The following LHFPL6 variants were observed in gnomAD, a reference collection of about 807,000 sequenced individuals.
LHFPL6 encodes LHFPL tetraspan subfamily member 6.
In LHFPL6, 9 loss-of-function variants were observed where a neutral mutation model predicts 20.6. That is an observed-to-expected ratio of 0.44 (90% CI 0.26 to 0.76). The LOEUF (loss-of-function observed/expected upper bound fraction) is 0.76, where lower values mean the gene tolerates loss of function less well. Ranked by LOEUF, LHFPL6 falls within the 30% of genes least tolerant of loss-of-function variation. LHFPL6 has a pLI of 0.20. For missense variants in LHFPL6, 218 were observed against 253.5 expected (o/e 0.86, Z 0.95); for synonymous variants, 105 against 98.7 (o/e 1.06, Z -0.38).
rs1174774933 is a variant in LHFPL6 at position 39,413,473 on chromosome 13, G to GT, written c.386-34948dup. On this transcript the variant is annotated intron_variant, in intron 2 of 3. Transcript: ENST00000379589. ...TTTTTAGGAATTGGGGGTAGGGGGG[G>GT]TGGGTCTCACTATGTTGCCCAGGCT... Among the ~76,000 whole-genome samples, 104 of 131,234 alleles carry GT rather than the reference G, an allele frequency of 7.9e-4. 2 individuals carry two copies. The highest frequency in any genetic ancestry group is 2.5e-3 in the African/African-American group (89 of 35,854). 86.1% of individuals were successfully genotyped at this position (131,234 alleles called of 152,430 possible).
Position 39,601,148 on chromosome 13 carries a change from G to T in LHFPL6, c.69C>A (p.Ser23=). The T allele has an allele frequency of 6.2e-7, 1 of 1,614,134 alleles. No homozygotes were observed. Among genetic ancestry groups the T allele is most frequent in the South Asian group, 1.1e-5 (1 of 91,082 alleles). The part of the protein sequence containing the change: ...ALLSFLCAAT[S]CVGFFMPYWL... ...AGTAAGGCATAAAGAACCCCACGCA[G>T]GAGGTGGCAGCACAAAGAAAAGACA... The change falls in exon 2 of 4, where the codon TCC becomes TCA. Residue 23 remains serine (S), a synonymous_variant. Coordinates refer to ENST00000379589, the MANE Select transcript of LHFPL6 (RefSeq NM_005780.3).
At chr13:39,347,527 A>T (rs779576657) in intron 3 of LHFPL6, among the ~76,000 whole-genome samples, 11 of 152,240 alleles carry the variant, frequency 7.2e-5, no homozygotes, top group Non-Finnish European at 1.5e-4. Context: ...TCATCTAGAG[A>T]GTGTGCTAAA....
intron 2 of LHFPL6, among the ~76,000 whole-genome samples, chr13:39,453,836 G>C (rs1872508110): frequency 6.6e-6 from 1 of 152,206 alleles, no homozygotes; most frequent in Non-Finnish European, 1.5e-5. Context: ...AGCAAGTCGT[G>C]TGTGATATGG....
At chr13:39,369,666 T>C (rs9315678) in intron 3 of LHFPL6, among the ~76,000 whole-genome samples, 82,153 of 146,932 alleles carry the variant, frequency 0.56, 23,532 homozygotes, top group East Asian at 0.71. Flanking sequence ...TTTTTAACCA[T>C]TCAATAGATG....
chr13:39,436,914 C>G (rs76699680), intron 2 of LHFPL6, among the ~76,000 whole-genome samples: 84 of 152,262 alleles, frequency 5.5e-4, no homozygotes, highest in African/African-American at 2.0e-3. Flanking sequence ...ACCACTTGAT[C>G]GCACAGTAGT....
intron 2 of LHFPL6, among the ~76,000 whole-genome samples, chr13:39,535,789 A>AT (rs1466176001): frequency 6.6e-6 from 1 of 152,216 alleles, no homozygotes; most frequent in African/African-American, 2.4e-5. Flanking sequence ...TTCTGCTGTG[A>AT]TTTTACCTCT....
intron 2 of LHFPL6, among the ~76,000 whole-genome samples, chr13:39,570,058 T>G (rs1445765090): frequency 6.6e-6 from 1 of 152,202 alleles, no homozygotes; most frequent in Non-Finnish European, 1.5e-5. Context: ...AACAATGGCC[T>G]GAGGAAAAGT....
chr13:39,509,820 C>G (rs1208005026), intron 2 of LHFPL6, among the ~76,000 whole-genome samples: 1 of 152,038 alleles, frequency 6.6e-6, no homozygotes, highest in East Asian at 1.9e-4. Flanking sequence ...ATTAGCCAGG[C>G]AGGGTGGCAT....
intron 2 of LHFPL6, among the ~76,000 whole-genome samples, chr13:39,381,120 C>T (rs1566098290): frequency 6.6e-6 from 1 of 152,122 alleles, no homozygotes; most frequent in African/African-American, 2.4e-5. Flanking sequence ...GAAACTGGTC[C>T]GTGGTGTAAA....
chr13:39,460,154 G>A (rs1263877765), intron 2 of LHFPL6, among the ~76,000 whole-genome samples: 1 of 152,156 alleles, frequency 6.6e-6, no homozygotes, highest in Admixed American at 6.5e-5. Context: ...CAACCAAAAA[G>A]CTCACACCAT....
intron 2 of LHFPL6, among the ~76,000 whole-genome samples, chr13:39,490,070 A>G (rs1210781560): frequency 1.4e-5 from 2 of 146,556 alleles, no homozygotes; most frequent in African/African-American, 5.1e-5. Context: ...GGAGACAACA[A>G]GTAATAACAG....
intron 3 of LHFPL6, among the ~76,000 whole-genome samples, chr13:39,344,650 C>A (rs1869341294): frequency 3.3e-5 from 5 of 152,116 alleles, no homozygotes; most frequent in African/African-American, 1.2e-4. Flanking sequence ...GACAAGCATC[C>A]AAGTGGGTCC....
At chr13:39,500,402 T>C (rs931514862) in intron 2 of LHFPL6, among the ~76,000 whole-genome samples, 1 of 152,060 alleles carries the variant, frequency 6.6e-6, no homozygotes, top group Non-Finnish European at 1.5e-5. Flanking sequence ...TATAGGTGCA[T>C]GCCACCATGC....
At chr13:39,601,998 A>G (rs1056712005) in intron 1 of LHFPL6, among the ~76,000 whole-genome samples, 1 of 152,190 alleles carries the variant, frequency 6.6e-6, no homozygotes, top group African/African-American at 2.4e-5. Context: ...TAGTCTTAAC[A>G]TCTTCTAGTG....
intron 2 of LHFPL6, among the ~76,000 whole-genome samples, chr13:39,465,195 C>T (rs771989493): frequency 3.3e-5 from 5 of 152,152 alleles, no homozygotes; most frequent in Non-Finnish European, 7.4e-5. Context: ...TGCCCACCAG[C>T]TTATCGATTG....
intron 2 of LHFPL6, among the ~76,000 whole-genome samples, chr13:39,498,258 T>A (rs1199907863): frequency 6.6e-6 from 1 of 152,230 alleles, no homozygotes; most frequent in African/African-American, 2.4e-5. Context: ...ACTTACCCCA[T>A]GCCCAACTCA....
intron 2 of LHFPL6, among the ~76,000 whole-genome samples, chr13:39,500,903 G>A (rs1323225025): frequency 1.3e-5 from 2 of 152,178 alleles, no homozygotes; most frequent in African/African-American, 2.4e-5. Flanking sequence ...GAGTGAGCAT[G>A]AGAATCACCT....
chr13:39,449,295 G>C (rs2138419926), intron 2 of LHFPL6, among the ~76,000 whole-genome samples: 1 of 152,268 alleles, frequency 6.6e-6, no homozygotes, highest in East Asian at 1.9e-4. Context: ...ATTAACACCT[G>C]ATTCTAAATC....
In LHFPL6 at chr13:39,530,180, G is replaced by C. The variant is rs558703037; in HGVS notation, c.385+70652C>G. On this transcript the variant is annotated intron_variant, in intron 2 of 3. Coordinates refer to ENST00000379589, the MANE Select transcript of LHFPL6 (RefSeq NM_005780.3). ...ACCTGTAATTCCAGCTACTCAGGAGGCTTAAAAAAGAGGATCCCTTGAGCC... is the reference window on the plus strand; with the variant it reads ...ACCTGTAATTCCAGCTACTCAGGAGCCTTAAAAAAGAGGATCCCTTGAGCC... 1.5e-4 allele frequency among the ~76,000 whole-genome samples: 22 copies of C among 151,376 alleles called. No homozygotes were observed. The East Asian group carries it at 4.1e-3, about 28-fold the overall frequency.
Sources: gnomAD v4.1 joint callset for allele counts (sites outside exome capture counted in the v4.1 genomes callset) on GRCh38, gnomAD v4.1.1 for gene constraint, MANE v1.5 for transcripts, NCBI Gene and HGNC (gene_info 2026-07-23, HGNC 2026-07-21) for gene names.